Variants in PDGFD observed in about 807,000 individuals in gnomAD.
PDGFD encodes platelet derived growth factor D.
In PDGFD, 30 loss-of-function variants were observed where a neutral mutation model predicts 44.7. That is an observed-to-expected ratio of 0.67 (90% confidence interval 0.50 to 0.91). The LOEUF is 0.91. Among genes scored for constraint, PDGFD ranks in the 40% least tolerant of loss-of-function variants. The pLI, the probability that PDGFD is intolerant of heterozygous loss-of-function variation, is 0.00. For synonymous variants in PDGFD, 173 were observed against 168.4 expected (o/e 1.03, Z -0.21); for missense variants, 445 against 457.8 (o/e 0.97, Z 0.25).
At chr11:104,026,509 C>T (rs1001579492) in intron 1 of PDGFD, among the ~76,000 whole-genome samples, 8 of 151,702 alleles carry the variant, frequency 5.3e-5, no homozygotes, top group Admixed American at 4.6e-4. Flanking sequence ...CCATGATGCA[C>T]ACCACTAAAA....
At chr11:103,961,136 C>T (rs569282134) in intron 3 of PDGFD, among the ~76,000 whole-genome samples, 2 of 152,286 alleles carry the variant, frequency 1.3e-5, no homozygotes, top group South Asian at 4.1e-4. Context: ...TCATTGCTCT[C>T]CCACCAAGTA....
intron 1 of PDGFD, chr11:104,036,995 A>C: frequency 1.9e-6 from 3 of 1,614,214 alleles, no homozygotes; most frequent in Non-Finnish European, 2.5e-6. Context: ...ATCGAGGACC[A>C]CTGTTCCCTG....
At chr11:104,059,160 A>G (rs578076920) in intron 1 of PDGFD, among the ~76,000 whole-genome samples, 1 of 128,068 alleles carries the variant, frequency 7.8e-6, no homozygotes, top group African/African-American at 2.9e-5. Context: ...AAATCCATCT[A>G]AACAAATTTC....
At chr11:104,127,528 T>G (rs373418712) in intron 1 of PDGFD, among the ~76,000 whole-genome samples, 1 of 152,264 alleles carries the variant, frequency 6.6e-6, no homozygotes, top group African/African-American at 2.4e-5. Context: ...ATGTATTACA[T>G]TTTAAACTAT....
At chr11:104,136,243 A>G (rs1031864765) in intron 1 of PDGFD, among the ~76,000 whole-genome samples, 2 of 152,200 alleles carry the variant, frequency 1.3e-5, no homozygotes, top group Non-Finnish European at 2.9e-5. Context: ...AAGGCTATAT[A>G]TGACTGAATG....
chr11:103,967,368 T>C (rs1274026904), intron 3 of PDGFD, among the ~76,000 whole-genome samples: 3 of 152,178 alleles, frequency 2.0e-5, no homozygotes, highest in Admixed American at 6.5e-5. Context: ...CTTTGAATCT[T>C]TGAACTCAAA....
At chr11:104,075,094 G>T (rs1454016357) in intron 1 of PDGFD, among the ~76,000 whole-genome samples, 1 of 151,970 alleles carries the variant, frequency 6.6e-6, no homozygotes, top group Non-Finnish European at 1.5e-5. Context: ...AATGATCCAG[G>T]GTCATTATTC....
intron 1 of PDGFD, among the ~76,000 whole-genome samples, chr11:104,084,774 T>A (rs1488452987): frequency 1.4e-5 from 2 of 146,112 alleles, no homozygotes; most frequent in African/African-American, 4.9e-5. Context: ...ATTATAAAAT[T>A]ATACATAAAA....
chr11:104,064,979 C>A (rs1860768026), intron 1 of PDGFD, among the ~76,000 whole-genome samples: 1 of 152,126 alleles, frequency 6.6e-6, no homozygotes, highest in Non-Finnish European at 1.5e-5. Flanking sequence ...AGTCAGTGGA[C>A]TGGGAAAGGC....
intron 1 of PDGFD, among the ~76,000 whole-genome samples, chr11:104,028,437 CTT>C (rs780901448): frequency 2.2e-5 from 3 of 136,198 alleles, no homozygotes; most frequent in Non-Finnish European, 3.2e-5. Flanking sequence ...TTTGTTTTTG[CTT>C]TTTTTTTTTT....
intron 1 of PDGFD, among the ~76,000 whole-genome samples, chr11:104,152,899 C>G (rs950304897): frequency 1.3e-5 from 2 of 152,182 alleles, no homozygotes; most frequent in African/African-American, 4.8e-5. Context: ...AAATATCAGA[C>G]ATTATCATGC....
At chr11:103,992,901 C>A (rs1236789197) in intron 3 of PDGFD, among the ~76,000 whole-genome samples, 1 of 152,058 alleles carries the variant, frequency 6.6e-6, no homozygotes, top group Non-Finnish European at 1.5e-5. Context: ...TCCAGGTACA[C>A]CTGGAGAGTC....
chr11:104,128,121 A>G (rs1450996293), intron 1 of PDGFD, among the ~76,000 whole-genome samples: 1 of 15,350 alleles, frequency 6.5e-5, no homozygotes, highest in Non-Finnish European at 1.4e-4. Context: ...ACCCAGCCCC[A>G]GTTTCTGTCT....
intron 1 of PDGFD, among the ~76,000 whole-genome samples, chr11:104,162,524 G>C (rs1862406351): frequency 1.3e-5 from 2 of 152,064 alleles, no homozygotes; most frequent in Admixed American, 6.6e-5. Flanking sequence ...AAAATGCACG[G>C]CTGGAATCTT....
intron 1 of PDGFD, among the ~76,000 whole-genome samples, chr11:104,108,794 AC>A (rs1861505026): frequency 6.6e-6 from 1 of 152,188 alleles, no homozygotes; most frequent in African/African-American, 2.4e-5. Flanking sequence ...AAGACTTGGA[AC>A]CAACCCAAAT....
intron 1 of PDGFD, among the ~76,000 whole-genome samples, chr11:104,019,329 A>G (rs1257026470): frequency 2.0e-5 from 3 of 152,176 alleles, no homozygotes; most frequent in Non-Finnish European, 4.4e-5. Flanking sequence ...TCTTTGGGTC[A>G]AGCATTGTGA....
At chr11:104,016,082 T>C (rs895316238) in intron 1 of PDGFD, among the ~76,000 whole-genome samples, 1 of 152,244 alleles carries the variant, frequency 6.6e-6, no homozygotes, top group Non-Finnish European at 1.5e-5. Context: ...ACATGCTTAA[T>C]GAATCTGCTG....
chr11:104,053,356 C>T (rs1414794778), intron 1 of PDGFD, among the ~76,000 whole-genome samples: 2 of 152,152 alleles, frequency 1.3e-5, no homozygotes, highest in Non-Finnish European at 2.9e-5. Flanking sequence ...AAATTTAACC[C>T]TTTGCATGTG....
chr11:104,107,518 T>A (rs1229065703), intron 1 of PDGFD, among the ~76,000 whole-genome samples: 1 of 152,178 alleles, frequency 6.6e-6, no homozygotes, highest in African/African-American at 2.4e-5. Context: ...ATCTGTGAGA[T>A]AATAAATGTG....
Sources: allele counts gnomAD v4.1 joint callset (sites outside exome capture counted in the v4.1 genomes callset), GRCh38; gene constraint gnomAD v4.1.1; transcripts MANE v1.5; gene names NCBI Gene and HGNC (gene_info 2026-07-23, HGNC 2026-07-21).